The following SART3 variants were observed in gnomAD, a reference collection of about 807,000 sequenced individuals.
SART3 encodes the protein HIV-1 Tat-interacting protein of 110kDa.
SART3 carries 44 observed loss-of-function variants against 122.3 expected under a neutral mutation model. The ratio of observed to expected loss-of-function variants is 0.36; its 90% CI spans 0.28 to 0.46. The LOEUF is 0.46. SART3 is among the 20% of genes least tolerant of loss of function. The pLI is 1.00. For synonymous variants in SART3, 442 were observed against 454.0 expected (o/e 0.97, Z 0.34); for missense variants, 1,101 against 1,229.0 (o/e 0.90, Z 1.56).
chr12:108,547,294 G>A (rs1453104988), intron 3 of SART3, among the ~76,000 whole-genome samples: 1 of 152,182 alleles, frequency 6.6e-6, no homozygotes, highest in Non-Finnish European at 1.5e-5. Context: ...ACCAGCAGGC[G>A]AGGGAGGTCT....
chr12:108,545,894 T>C (rs919063557), intron 3 of SART3, among the ~76,000 whole-genome samples: 2 of 138,474 alleles, frequency 1.4e-5, no homozygotes. Context: ...TGAACCTGGG[T>C]AGGGGGGAGG....
At chr12:108,535,644 G>C (rs1872871377) in intron 11 of SART3, 176 bp from the exon 12 acceptor site, 7 of 660,798 alleles carry the variant, frequency 1.1e-5, no homozygotes, top group South Asian at 6.1e-5. Flanking sequence ...CCAAACACTT[G>C]AGCCTTTCTG....
At chr12:108,530,080 T>G (rs1005112006) in intron 15 of SART3, 62 bp downstream of exon 15, 1 of 1,580,902 alleles carries the variant, frequency 6.3e-7, no homozygotes, top group Non-Finnish European at 8.7e-7. Context: ...TTCTTCATAC[T>G]GTATTCGCAA....
At position 108,547,889 on chromosome 12, in the gene SART3, A is replaced by C; in HGVS notation, c.542T>G (p.Ile181Ser). 1.2e-6 allele frequency: 2 copies of C among 1,612,278 alleles called. No individual in the cohort carries two copies. Among genetic ancestry groups the C allele is most frequent in the African/African-American group, 1.3e-5 (1 of 75,028 alleles). ...DLFEKAVKDY[I>S]CPNIWLEYGQ... ...AAAAAAAGTCCACGGGAACTTACAA[A>C]TGTAATCCTTCACGGCTTTCTCAAA... The change falls in exon 3 of 19, where the codon ATT becomes AGT. Residue 181 changes from isoleucine to serine, a missense_variant and splice_region_variant. Transcript: ENST00000546815.
intron 17 of SART3, chr12:108,524,753 T>C: frequency 3.5e-6 from 2 of 573,532 alleles, no homozygotes; most frequent in South Asian, 4.0e-5. Flanking sequence ...TCAGCACACC[T>C]TGTACGTGCT....
intron 6 of SART3, among the ~76,000 whole-genome samples, chr12:108,540,196 A>C (rs1873095166): frequency 1.3e-5 from 2 of 152,242 alleles, no homozygotes; most frequent in African/African-American, 4.8e-5. Context: ...CTGAAGAAGC[A>C]AGATTTATAC....
chr12:108,552,788 G>C (rs1257767371), intron 1 of SART3, among the ~76,000 whole-genome samples: 1 of 152,136 alleles, frequency 6.6e-6, no homozygotes, highest in East Asian at 1.9e-4. Context: ...CAGGCTTACT[G>C]AAACTCCAAT....
At chr12:108,542,314 T>G (rs1202080546) in intron 6 of SART3, among the ~76,000 whole-genome samples, 2 of 152,196 alleles carry the variant, frequency 1.3e-5, no homozygotes, top group African/African-American at 2.4e-5. Flanking sequence ...CAACGAGAAC[T>G]CTCAGATACT....
Position 108,532,342 on chromosome 12 carries a change from A to G in SART3, c.1557-8T>C, listed in dbSNP as rs1872715116. ...TGGGTGTCACCATGAGCTCTAAGGC[A>G]GAAAACAAAAAGTTGCTGCCACCAG... On this transcript the variant is annotated splice_polypyrimidine_tract_variant and splice_region_variant and intron_variant, in intron 12 of 18. Transcript: ENST00000546815. 1.2e-6 allele frequency: 2 copies of G among 1,613,438 alleles called. No homozygotes were observed. Among genetic ancestry groups the G allele is most frequent in the Non-Finnish European group, 1.7e-6 (2 of 1,179,794 alleles).
At chr12:108,559,699 C>G (rs973789727) in intron 1 of SART3, among the ~76,000 whole-genome samples, 1 of 150,926 alleles carries the variant, frequency 6.6e-6, no homozygotes, top group African/African-American at 2.4e-5. Context: ...AGAGAATGTG[C>G]TCCATCTCTT....
chr12:108,529,462 C>A (rs1872548749), intron 15 of SART3, among the ~76,000 whole-genome samples: 1 of 152,110 alleles, frequency 6.6e-6, no homozygotes, highest in South Asian at 2.1e-4. Context: ...TATAAGATGA[C>A]CCTTGGGTAT....
intron 1 of SART3, among the ~76,000 whole-genome samples, chr12:108,556,500 C>G (rs1048820346): frequency 6.6e-6 from 1 of 152,156 alleles, no homozygotes; most frequent in Non-Finnish European, 1.5e-5. Flanking sequence ...AGTTTTAAAT[C>G]TTAAGACTTT....
intron 14 of SART3, 110 bp downstream of exon 14, chr12:108,531,094 T>C (rs112332987): frequency 1.3e-6 from 1 of 778,688 alleles, no homozygotes. Flanking sequence ...TAATTAATAC[T>C]GAGTAAAAGA....
intron 15 of SART3, among the ~76,000 whole-genome samples, chr12:108,527,687 T>C (rs1872448267): frequency 6.6e-6 from 1 of 152,234 alleles, no homozygotes; most frequent in African/African-American, 2.4e-5. Context: ...GATGACTCCA[T>C]TCCCAGTTCT....
chr12:108,549,784 G>A (rs1306740327), intron 1 of SART3, among the ~76,000 whole-genome samples: 1 of 152,038 alleles, frequency 6.6e-6, no homozygotes, highest in Non-Finnish European at 1.5e-5. Context: ...GGGAGGCCGA[G>A]GCAGGTGGAT....
rs769073662 is a variant in SART3, at chr12:108,545,241, C to T, written c.627G>A (p.Val209=). The part of the protein sequence containing the change: ...QKGGLEKVRS[V]FERALSSVGL... ...CAACAGACGAGAGAGCCCTTTCAAA[C>T]ACGGAGCGAACTTTCTCAAGGCCAC... The change falls in exon 4 of 19, where the codon GTG becomes GTA. Residue 209 remains valine (V), a synonymous_variant. Transcript: ENST00000546815. The T allele has an allele frequency of 1.2e-6, 2 of 1,614,194 alleles. No individual in the cohort carries two copies. The highest frequency in any genetic ancestry group is 1.3e-5 in the African/African-American group (1 of 75,044).
chr12:108,544,527 T>C (rs748375571), intron 4 of SART3, 49 bp from the exon 5 acceptor site: 1 of 1,614,212 alleles, frequency 6.2e-7, no homozygotes, highest in Non-Finnish European at 8.5e-7. Flanking sequence ...GGAAGCCAGC[T>C]ACGGGCTAAA....
chr12:108,548,119 ACTT>A, intron 2 of SART3, 128 bp from the exon 3 acceptor site: 1 of 781,628 alleles, frequency 1.3e-6, no homozygotes, highest in Non-Finnish European at 2.2e-6. Flanking sequence ...CCAGAAATTC[ACTT>A]CTTAAAACCT....
chr12:108,536,623 C>T (rs770084459), intron 10 of SART3, 51 bp from the exon 11 acceptor site: 4 of 1,609,536 alleles, frequency 2.5e-6, no homozygotes, highest in Non-Finnish European at 2.6e-6. Context: ...GACAGATAGT[C>T]GCTGGCTGAA....
Sources: allele counts gnomAD v4.1 joint callset (sites outside exome capture counted in the v4.1 genomes callset), GRCh38; gene constraint gnomAD v4.1.1; transcripts MANE v1.5; gene names NCBI Gene and HGNC (gene_info 2026-07-23, HGNC 2026-07-21).